CADPS2: variants seen among roughly 807,000 people sequenced by gnomAD.
CADPS2 encodes calcium-dependent secretion activator 2.
In CADPS2, 93 loss-of-function variants were observed where a neutral mutation model predicts 172.5. The observed-to-expected ratio is 0.54, with a 90% CI of 0.46 to 0.64. The LOEUF (loss-of-function observed/expected upper bound fraction) is 0.64. Ranked by LOEUF, CADPS2 falls within the 30% of genes least tolerant of loss-of-function variation. The probability of loss-of-function intolerance (pLI) is 0.00; values close to 1 mark genes in which losing one functional copy is unlikely to be tolerated. For missense variants in CADPS2, 1,420 were observed against 1,565.9 expected, an observed-to-expected ratio of 0.91 and a Z score of 1.57; for synonymous variants, 546 against 555.2, an observed-to-expected ratio of 0.98 and a Z score of 0.23.
At chr7:122,718,489 A>C (rs2089964197) in intron 2 of CADPS2, among the ~76,000 whole-genome samples, 1 of 152,086 alleles carries the variant, frequency 6.6e-6, no homozygotes, top group South Asian at 2.1e-4. Flanking sequence ...GGACAGGAAA[A>C]GTTCAGATAG....
intron 11 of CADPS2, among the ~76,000 whole-genome samples, chr7:122,483,512 G>A (rs1457424363): frequency 1.3e-5 from 2 of 152,038 alleles, no homozygotes; most frequent in Admixed American, 1.3e-4. Flanking sequence ...ATTAGATGAT[G>A]AAAGGCACTG....
chr7:122,723,963 G>A (rs533374133), intron 2 of CADPS2, among the ~76,000 whole-genome samples: 1 of 149,110 alleles, frequency 6.7e-6, no homozygotes, highest in African/African-American at 2.5e-5. Context: ...TCACTCATAG[G>A]TGAGAACTGA....
At chr7:122,597,388 C>T (rs886930494) in intron 6 of CADPS2, among the ~76,000 whole-genome samples, 1 of 152,080 alleles carries the variant, frequency 6.6e-6, no homozygotes, top group South Asian at 2.1e-4. Flanking sequence ...AGCACTGCTG[C>T]TATGGTCTGA....
At chr7:122,610,369 G>T (rs1481510392) in intron 6 of CADPS2, among the ~76,000 whole-genome samples, 1 of 151,666 alleles carries the variant, frequency 6.6e-6, no homozygotes, top group Non-Finnish European at 1.5e-5. Flanking sequence ...AAAGTTAATT[G>T]ATCTCACGAA....
intron 8 of CADPS2, among the ~76,000 whole-genome samples, chr7:122,521,784 C>T (rs1160734154): frequency 6.6e-6 from 1 of 152,148 alleles, no homozygotes; most frequent in Non-Finnish European, 1.5e-5. Flanking sequence ...ATGCATAAAA[C>T]ATAGAGTTCT....
intron 1 of CADPS2, among the ~76,000 whole-genome samples, chr7:122,859,382 C>T (rs1265567892): frequency 6.6e-6 from 1 of 151,978 alleles, no homozygotes; most frequent in East Asian, 1.9e-4. Flanking sequence ...AAAAATATGC[C>T]ACAGAATGAG....
At chr7:122,672,453 T>G (rs2081962516) in intron 2 of CADPS2, among the ~76,000 whole-genome samples, 1 of 152,220 alleles carries the variant, frequency 6.6e-6, no homozygotes, top group African/African-American at 2.4e-5. Context: ...GCAGATATCC[T>G]GTCTCCCTAG....
At chr7:122,428,050 C>T (rs2049388737) in intron 17 of CADPS2, among the ~76,000 whole-genome samples, 1 of 152,058 alleles carries the variant, frequency 6.6e-6, no homozygotes, top group Non-Finnish European at 1.5e-5. Context: ...AAAGTTATCT[C>T]ATTTTTGTTA....
At chr7:122,471,079 C>T (rs1332248389) in intron 14 of CADPS2, among the ~76,000 whole-genome samples, 2 of 152,160 alleles carry the variant, frequency 1.3e-5, no homozygotes, top group Non-Finnish European at 2.9e-5. Context: ...ATACTTAAGG[C>T]TATTCAGACT....
intron 6 of CADPS2, among the ~76,000 whole-genome samples, chr7:122,601,130 G>A (rs1320100621): frequency 8.2e-6 from 1 of 122,462 alleles, no homozygotes; most frequent in East Asian, 2.5e-4. Context: ...AAGTAATAAA[G>A]GGCATAAAAG....
chr7:122,813,444 C>T (rs1019166205), intron 1 of CADPS2, among the ~76,000 whole-genome samples: 1 of 152,076 alleles, frequency 6.6e-6, no homozygotes, highest in African/African-American at 2.4e-5. Flanking sequence ...TGTGAAATTA[C>T]ATAACTCATC....
At position 122,465,314 on chromosome 7, in the gene CADPS2, G is replaced by T. The variant is rs149299988; in HGVS notation, c.2186+6061C>A. Among the ~76,000 whole-genome samples the T allele has an allele frequency of 4.4e-3, 668 of 152,260 alleles. 2 individuals are homozygous for T. Among genetic ancestry groups the T allele is most frequent in the African/African-American group, 0.015 (611 of 41,566 alleles). On this transcript the variant is annotated intron_variant, in intron 14 of 29. Transcript: ENST00000449022. ...ATAAATAGAAAGCCTGAGAATTTCT[G>T]TAGCTACAACATAAACTACAACAGT... is the stretch of plus-strand genomic sequence containing the variant.
chr7:122,701,753 A>G lies in CADPS2; in HGVS notation c.453+35202T>C, dbSNP rs1322525341. 2.6e-5 allele frequency: 26 copies of G among 989,368 alleles called. No individual in the cohort carries two copies. The Admixed American group carries it at 3.4e-4, about 13-fold the overall frequency. 61.3% of individuals were successfully genotyped at this position (989,368 alleles called of 1,614,324 possible). ...AGAGAAGCTGAAATTTTCTCTCTAC[A>G]TAAAGTACAATAAGACAATTTATCT... On this transcript the variant is annotated intron_variant, in intron 2 of 29. Transcript: ENST00000449022.
At chr7:122,407,487 A>C (rs548369733) in intron 20 of CADPS2, 53 bp downstream of exon 20, 5 of 1,556,352 alleles carry the variant, frequency 3.2e-6, no homozygotes, top group Non-Finnish European at 4.4e-6. Flanking sequence ...TTCACATTCA[A>C]CATTCTCCCA....
intron 2 of CADPS2, among the ~76,000 whole-genome samples, chr7:122,735,884 A>G (rs1000211562): frequency 6.6e-6 from 1 of 152,164 alleles, no homozygotes; most frequent in Non-Finnish European, 1.5e-5. Flanking sequence ...TCAAATATTG[A>G]ATTTTACATG....
intron 6 of CADPS2, among the ~76,000 whole-genome samples, chr7:122,605,340 G>T (rs1215312741): frequency 6.6e-6 from 1 of 151,970 alleles, no homozygotes; most frequent in Non-Finnish European, 1.5e-5. Flanking sequence ...TGTTACGACG[G>T]CTATGATGTC....
intron 9 of CADPS2, among the ~76,000 whole-genome samples, chr7:122,495,474 C>T (rs760270671): frequency 6.6e-6 from 1 of 152,124 alleles, no homozygotes; most frequent in Non-Finnish European, 1.5e-5. Flanking sequence ...AACTTTCTTC[C>T]CCAAAAGTTC....
chr7:122,556,679 G>A (rs1273799409), intron 7 of CADPS2, among the ~76,000 whole-genome samples: 1 of 152,002 alleles, frequency 6.6e-6, no homozygotes. Context: ...TTTATTTTTT[G>A]ATGGGTATTT....
intron 17 of CADPS2, among the ~76,000 whole-genome samples, chr7:122,422,441 G>A (rs2048633163): frequency 6.6e-6 from 1 of 152,160 alleles, no homozygotes; most frequent in African/African-American, 2.4e-5. Flanking sequence ...AGAAATGGTG[G>A]AATGGATCCT....
Sources: allele counts gnomAD v4.1 joint callset (sites outside exome capture counted in the v4.1 genomes callset), GRCh38; gene constraint gnomAD v4.1.1; transcripts MANE v1.5; gene names NCBI Gene and HGNC (gene_info 2026-07-23, HGNC 2026-07-21).